LPA: variants seen among roughly 807,000 people sequenced by gnomAD.
The protein encoded by LPA is apolipoprotein(a).
Under a neutral mutation model 197.9 loss-of-function variants are expected in LPA, and 199 were observed. The observed-to-expected ratio is 1.01, with a 90% CI of 0.90 to 1.13. The LOEUF (loss-of-function observed/expected upper bound fraction) is 1.13, where lower values mean the gene tolerates loss of function less well. LPA is among the 50% of genes most tolerant of loss of function. The probability of loss-of-function intolerance (pLI) is 0.00; values close to 1 mark genes in which losing one functional copy is unlikely to be tolerated. For missense variants in LPA, 1,853 were observed against 1,785.8 expected (o/e 1.04, Z -0.68); for synonymous variants, 715 against 639.5 (o/e 1.12, Z -1.78).
Position 160,612,556 on chromosome 6 carries a change from T to C in LPA, c.2443+376A>G, listed in dbSNP as rs9355817. On this transcript the variant is annotated intron_variant, in intron 15 of 38. Transcript: ENST00000316300. ...TTCTCAGAATCTGCAATGCTGAAGA[T>C]TGCTCTGAATGCTGGCTACTTGAAG... Among the ~76,000 whole-genome samples the C allele has an allele frequency of 1.0e-3, 2 of 1,924 alleles. 1 individual carries two copies. The highest frequency in any genetic ancestry group is 0.25 in the East Asian group (2 of 8). 1.3% of individuals were successfully genotyped at this position (1,924 alleles called of 152,430 possible). A position where few individuals can be genotyped will look rare whatever the true frequency, so the allele number is the denominator to read the frequency against.
chr6:160,596,088 G>T (rs9456552), intron 20 of LPA, among the ~76,000 whole-genome samples: 61,235 of 151,898 alleles, frequency 0.4, 12,654 homozygotes, highest in African/African-American at 0.49. Flanking sequence ...TCAGGAATTG[G>T]CCCACATGAT....
chr6:160,537,795 T>A, intron 37 of LPA, 60 bp downstream of exon 37: 5 of 1,472,398 alleles, frequency 3.4e-6, no homozygotes, highest in Non-Finnish European at 3.8e-6. Flanking sequence ...AATGCTCATT[T>A]TGTAACATGC....
At chr6:160,533,473 G>A (rs3124785) in intron 37 of LPA, among the ~76,000 whole-genome samples, 42,559 of 151,928 alleles carry the variant, frequency 0.28, 6,228 homozygotes, top group African/African-American at 0.3. Flanking sequence ...CTGCGGAGTC[G>A]CTGCCCAAAT....
chr6:160,609,085 C>CT lies in LPA; in HGVS notation c.2604-2428dup, dbSNP rs545734830. ...TTTATCTGTTTTATTACATATTCAT[C>CT]TTTTTTTAAATATTTGAAATAGTTA... On this transcript the variant is annotated intron_variant, in intron 16 of 38. Coordinates refer to ENST00000316300, the MANE Select transcript of LPA (RefSeq NM_005577.4). 2.2e-4 allele frequency among the ~76,000 whole-genome samples: 34 copies of CT among 152,138 alleles called. No individual in the cohort carries two copies. In the South Asian group the frequency reaches 3.9e-3, roughly 18 times the overall value.
chr6:160,575,488 T>A (rs1778638851), intron 28 of LPA, among the ~76,000 whole-genome samples: 1 of 152,250 alleles, frequency 6.6e-6, no homozygotes, highest in Non-Finnish European at 1.5e-5. Context: ...ATTGTTTACC[T>A]ATGAAGAGGT....
chr6:160,570,376 A>C (rs927380652), intron 28 of LPA, among the ~76,000 whole-genome samples: 1 of 152,180 alleles, frequency 6.6e-6, no homozygotes, highest in Non-Finnish European at 1.5e-5. Context: ...TCAGCAAACT[A>C]TCACAAGGAC....
chr6:160,535,362 G>A (rs577585402), intron 37 of LPA, among the ~76,000 whole-genome samples: 1,540 of 129,554 alleles, frequency 0.012, 28 homozygotes, highest in Middle Eastern at 0.061. Flanking sequence ...AGTAGCGGTG[G>A]TAATGATGAT....
intron 14 of LPA, among the ~76,000 whole-genome samples, chr6:160,615,352 T>TGTGTGTGTG (rs1562346207): frequency 2.9e-4 from 36 of 122,312 alleles, no homozygotes; most frequent in South Asian, 8.2e-4. Flanking sequence ...TGTTTTCAGT[T>TGTGTGTGTG]TGTGTGTGTG....
chr6:160,589,430 A>T lies in LPA; in HGVS notation c.3947+123T>A. On this transcript the variant is annotated intron_variant, in intron 24 of 38. Transcript: ENST00000316300. ...GTGCCCAAAGCAAGAAGCCTGAGAC[A>T]TTCTGTCCAACATTCTGGGTCTGAG... 3 of 1,168,936 alleles carry T rather than the reference A, an allele frequency of 2.6e-6. No homozygotes were observed. In the South Asian group the frequency reaches 3.8e-5, roughly 15 times the overall value. The allele number at this position is 1,168,936 out of a possible 1,614,324, so 72.4% of individuals were successfully genotyped here.
chr6:160,588,387 C>T (rs529366605), intron 24 of LPA, among the ~76,000 whole-genome samples: 140 of 152,048 alleles, frequency 9.2e-4, no homozygotes, highest in African/African-American at 3.3e-3. Context: ...GATCCCAATC[C>T]CAAAATACAG....
rs1390947227 is a variant in LPA, at chr6:160,595,488, G to A, written c.3335C>T (p.Pro1112Leu). 9.3e-6 allele frequency: 15 copies of A among 1,613,794 alleles called. No homozygotes were observed. Among genetic ancestry groups the A allele is most frequent in the South Asian group, 1.1e-5 (1 of 91,072 alleles). Residue 1112 changes from proline to leucine, a missense_variant, in exon 21 of 39, where the codon CCT (proline) becomes CTT (leucine). Physicochemically the swap from Pro to Leu is moderately conservative, Grantham distance 98 (BLOSUM62 -3). Transcript: ENST00000316300. The part of the protein sequence containing the change: ...YCRNPDAEIR[P>L]WCYTMDPSVR... ...ACTGGGATCCATGGTGTAACACCAA[G>A]GGCGAATCTCAGCATCTGGATTCCT...
intron 26 of LPA, among the ~76,000 whole-genome samples, chr6:160,580,130 C>T (rs118027106): frequency 4.0e-4 from 61 of 152,306 alleles, no homozygotes; most frequent in Non-Finnish European, 7.1e-4. Context: ...TGGACTCATA[C>T]AGACTATACA....
Position 160,589,616 on chromosome 6 carries a change from C to T in LPA, c.3884G>A (p.Cys1295Tyr). The change falls in exon 24 of 39, where the codon TGT becomes TAT. Residue 1295 changes from cysteine to tyrosine, a missense_variant. Around this residue, in one of 3 missense-constraint regions of LPA, gnomAD observed 1,737 missense variants for 1,504.4 expected, o/e 1.15. Transcript: ENST00000316300. ...SFSTTVTGRT[C>Y]QSWSSMTPHW... is the part of the protein sequence containing the mutation. ...TGGTGTCATAGAGGACCAAGACTGA[C>T]ATGTCCTTCCTGTAACAGTGGTGGA... 3.1e-6 allele frequency: 5 copies of T among 1,613,972 alleles called. No homozygotes were observed. Among genetic ancestry groups the T allele is most frequent in the Non-Finnish European group, 4.2e-6 (5 of 1,179,886 alleles).
intron 37 of LPA, among the ~76,000 whole-genome samples, chr6:160,533,917 C>T (rs1294065422): frequency 1.3e-5 from 2 of 152,194 alleles, no homozygotes; most frequent in African/African-American, 2.4e-5. Context: ...TCCAGATGGA[C>T]ATGCCCAGGG....
chr6:160,610,578 T>G (rs1020523500), intron 16 of LPA, among the ~76,000 whole-genome samples: 3 of 152,190 alleles, frequency 2.0e-5, no homozygotes, highest in African/African-American at 4.8e-5. Flanking sequence ...AACCATTTTC[T>G]GTGCACATGC....
chr6:160,532,643 A>G lies in LPA; in HGVS notation c.5849T>C (p.Phe1950Ser). The G allele has an allele frequency of 6.3e-7, 1 of 1,590,712 alleles. No individual in the cohort carries two copies. Among genetic ancestry groups the G allele is most frequent in the South Asian group, 1.1e-5 (1 of 90,550 alleles). Reference sequence around the variant, plus strand: ...GGCTTCCTTGAGAAGGCCAGTCCCAAAGGTACCTGTGTTTAAAAAGATGAA... The same window carrying G: ...GGCTTCCTTGAGAAGGCCAGTCCCAGAGGTACCTGTGTTTAAAAAGATGAA... ...ITGWGETQGT[F>S]GTGLLKEAQL... Residue 1950 changes from phenylalanine to serine, a missense_variant, in exon 38 of 39, where the codon TTT becomes TCT. Around this residue, in one of 3 missense-constraint regions of LPA, gnomAD observed 1,737 missense variants for 1,504.4 expected, o/e 1.15. Transcript: ENST00000316300.
rs531457804 is a variant in LPA, at chr6:160,542,048, G to A, written c.5519+640C>T. ...GATGAGGAAGCAAAACATGCAGGCA[G>A]ATGGGTCTGTGTCCTATGTGTTCTT... On this transcript the variant is annotated intron_variant, in intron 34 of 38. Transcript: ENST00000316300. 1.2e-4 allele frequency among the ~76,000 whole-genome samples: 18 copies of A among 152,322 alleles called. No individual in the cohort carries two copies. The East Asian group carries it at 1.7e-3, about 15-fold the overall frequency.
chr6:160,609,632 G>C (rs568069660), intron 16 of LPA, among the ~76,000 whole-genome samples: 10 of 151,912 alleles, frequency 6.6e-5, no homozygotes, highest in Admixed American at 2.0e-4. Context: ...TCCGGTATTT[G>C]TATCTACTCC....
rs41259144 is a variant in LPA at position 160,601,075 on chromosome 6, C to A, written c.2969G>T (p.Arg990Leu). ...PNAGLIKNYC[R>L]NPDPVAAPWC... The stretch of plus-strand genomic sequence containing the variant: ...AGGGGCTGCCACAGGATCTGGATTT[C>A]GGCAGTAGTTCTTGATCAAGCCACT... The change falls in exon 19 of 39, where the codon CGA (arginine) becomes CTA (leucine). Residue 990 changes from arginine to leucine, a missense_variant. Physicochemically the swap from Arg to Leu is moderately radical, Grantham distance 102 (BLOSUM62 -2). Coordinates refer to ENST00000316300, the MANE Select transcript of LPA (RefSeq NM_005577.4). 12 of 1,613,990 alleles carry A rather than the reference C, an allele frequency of 7.4e-6. No homozygotes were observed. Among genetic ancestry groups the A allele is most frequent in the African/African-American group, 1.3e-5 (1 of 75,012 alleles).
Sources: gnomAD v4.1 joint callset for allele counts (sites outside exome capture counted in the v4.1 genomes callset) on GRCh38, gnomAD v4.1.1 for gene constraint, gnomAD v4.1.1 regional missense constraint, MANE v1.5 for transcripts, NCBI Gene and HGNC (gene_info 2026-07-23, HGNC 2026-07-21) for gene names.